Variants in SGCZ observed in about 807,000 individuals in gnomAD.
SGCZ encodes zeta-sarcoglycan.
Under a neutral mutation model 41.3 loss-of-function variants are expected in SGCZ, and 40 were observed. That is an observed-to-expected ratio of 0.97 (90% CI 0.75 to 1.26). The LOEUF is 1.26. Ranked by LOEUF, SGCZ falls within the 50% of genes most tolerant of loss-of-function variation. The pLI is 0.00. For synonymous variants in SGCZ, 206 were observed against 137.5 expected, an observed-to-expected ratio of 1.50 and a Z score of -3.49; for missense variants, 552 against 369.8, an observed-to-expected ratio of 1.49 and a Z score of -4.04.
chr8:14,152,379 A>G (rs1803737030), intron 5 of SGCZ, among the ~76,000 whole-genome samples: 1 of 152,194 alleles, frequency 6.6e-6, no homozygotes, highest in Admixed American at 6.5e-5. Context: ...TAAAAGCACA[A>G]TGAGTTAGGC....
At chr8:15,145,028 C>T (rs1346322287) in intron 1 of SGCZ, among the ~76,000 whole-genome samples, 1 of 152,168 alleles carries the variant, frequency 6.6e-6, no homozygotes, top group Non-Finnish European at 1.5e-5. Context: ...AGATTGTTCT[C>T]CTACGAGTAC....
chr8:14,189,263 C>T (rs1270200579), intron 4 of SGCZ, among the ~76,000 whole-genome samples: 1 of 152,070 alleles, frequency 6.6e-6, no homozygotes, highest in East Asian at 1.9e-4. Flanking sequence ...CTTTACTTCC[C>T]AATATATCTT....
At chr8:14,222,079 A>T (rs1165292842) in intron 4 of SGCZ, among the ~76,000 whole-genome samples, 2 of 152,174 alleles carry the variant, frequency 1.3e-5, no homozygotes, top group Admixed American at 1.3e-4. Context: ...ACCTACTGTA[A>T]GACTTCTTTA....
At chr8:14,368,679 C>T (rs1803801819) in intron 2 of SGCZ, among the ~76,000 whole-genome samples, 1 of 151,504 alleles carries the variant, frequency 6.6e-6, no homozygotes, top group Non-Finnish European at 1.5e-5. Flanking sequence ...CATTGCATTC[C>T]TTATGATGGT....
At chr8:14,186,919 A>T (rs1804922950) in intron 4 of SGCZ, among the ~76,000 whole-genome samples, 1 of 152,046 alleles carries the variant, frequency 6.6e-6, no homozygotes, top group African/African-American at 2.4e-5. Context: ...GAGCTGAGAA[A>T]CTATTCCTGG....
At chr8:14,727,564 G>A (rs144635792) in intron 1 of SGCZ, among the ~76,000 whole-genome samples, 1 of 150,560 alleles carries the variant, frequency 6.6e-6, no homozygotes, top group East Asian at 2.0e-4. Context: ...AGGCTAGAGT[G>A]CAGTGGCCAG....
intron 1 of SGCZ, among the ~76,000 whole-genome samples, chr8:14,782,766 C>T (rs1449308299): frequency 6.6e-6 from 1 of 152,116 alleles, no homozygotes; most frequent in Non-Finnish European, 1.5e-5. Flanking sequence ...TGAATCCTAC[C>T]CTATTCTCAC....
At chr8:14,408,342 T>C (rs1409967359) in intron 2 of SGCZ, among the ~76,000 whole-genome samples, 3 of 152,106 alleles carry the variant, frequency 2.0e-5, no homozygotes, top group African/African-American at 4.8e-5. Context: ...TCCAGATATG[T>C]CCCAACGTCC....
chr8:15,196,077 T>C lies in SGCZ; in HGVS notation c.39+41508A>G, dbSNP rs546930996. Among the ~76,000 whole-genome samples, 3 of 146,622 alleles carry C rather than the reference T, an allele frequency of 2.0e-5. 1 individual carries two copies. In the South Asian group the frequency reaches 6.6e-4, roughly 32 times the overall value. ...CACGCCCGGCTAATTTTTTGTATTT[T>C]TAGTAGAGACGGGGTTTCACCTTGT... is the stretch of plus-strand genomic sequence containing the variant. On this transcript the variant is annotated intron_variant, in intron 1 of 7. Transcript: ENST00000382080.
At chr8:14,244,961 T>A (rs192146120) in intron 3 of SGCZ, among the ~76,000 whole-genome samples, 1,799 of 152,280 alleles carry the variant, frequency 0.012, 35 homozygotes, top group African/African-American at 0.041. Context: ...GAGACTTTGC[T>A]GAAGTTGCTT....
At chr8:15,134,313 T>TTTG (rs199737581) in intron 1 of SGCZ, among the ~76,000 whole-genome samples, 17 of 151,558 alleles carry the variant, frequency 1.1e-4, no homozygotes, top group East Asian at 2.0e-4. Flanking sequence ...TCTTTTTTTT[T>TTTG]TTTGTTTCTT....
intron 1 of SGCZ, among the ~76,000 whole-genome samples, chr8:14,899,620 T>C (rs1217992004): frequency 1.3e-5 from 2 of 152,126 alleles, no homozygotes; most frequent in African/African-American, 4.8e-5. Flanking sequence ...AGGTTGTAAA[T>C]TGCTGTGCTA....
At position 14,354,452 on chromosome 8, in the gene SGCZ, A is replaced by T. The variant is rs1803217943; in HGVS notation, c.235-30248T>A. ...TTCTAAGGAAAAGTGGGTAAAATAC[A>T]ACAAAAATTAGTACTCTTGTAGATT... is the stretch of plus-strand genomic sequence containing the variant. On this transcript the variant is annotated intron_variant, in intron 2 of 7. Transcript: ENST00000382080. Among the ~76,000 whole-genome samples the T allele has an allele frequency of 3.3e-5, 5 of 152,058 alleles. No homozygotes were observed. The South Asian group carries it at 1.0e-3, about 31-fold the overall frequency.
chr8:15,070,269 G>C (rs921589446), intron 1 of SGCZ, among the ~76,000 whole-genome samples: 5 of 151,876 alleles, frequency 3.3e-5, no homozygotes, highest in African/African-American at 1.2e-4. Flanking sequence ...CACTAAATTC[G>C]GTTTCATTTT....
intron 3 of SGCZ, among the ~76,000 whole-genome samples, chr8:14,299,294 T>C (rs1406009421): frequency 1.3e-5 from 2 of 151,962 alleles, no homozygotes; most frequent in South Asian, 2.1e-4. Context: ...GAAAGCACTG[T>C]CTATAAAAGT....
intron 1 of SGCZ, among the ~76,000 whole-genome samples, chr8:15,190,331 T>G (rs1371993104): frequency 6.9e-6 from 1 of 145,756 alleles, no homozygotes; most frequent in Non-Finnish European, 1.5e-5. Context: ...AAAGGATAAT[T>G]CATTTCATTC....
At chr8:14,869,254 G>A (rs1046683474) in intron 1 of SGCZ, among the ~76,000 whole-genome samples, 9 of 152,118 alleles carry the variant, frequency 5.9e-5, no homozygotes, top group East Asian at 5.8e-4. Context: ...TTAAGTTGAC[G>A]TCATCCCTGG....
intron 1 of SGCZ, among the ~76,000 whole-genome samples, chr8:14,629,192 G>A (rs567978479): frequency 9.9e-5 from 15 of 152,144 alleles, no homozygotes; most frequent in Admixed American, 9.2e-4. Flanking sequence ...CAGATATATG[G>A]CAGCCTTCCA....
chr8:14,943,806 C>A (rs1306436995), intron 1 of SGCZ, among the ~76,000 whole-genome samples: 2 of 152,124 alleles, frequency 1.3e-5, no homozygotes, highest in African/African-American at 4.8e-5. Flanking sequence ...GTTTAGCTCC[C>A]ACTTACAAGT....
Sources: gnomAD v4.1 joint callset for allele counts (sites outside exome capture counted in the v4.1 genomes callset) on GRCh38, gnomAD v4.1.1 for gene constraint, MANE v1.5 for transcripts, NCBI Gene and HGNC (gene_info 2026-07-23, HGNC 2026-07-21) for gene names.